TAB2: variants seen among roughly 807,000 people sequenced by gnomAD.
TAB2 encodes TGF-beta-activated kinase 1 and MAP3K7-binding protein 2.
TAB2 carries 3 observed loss-of-function variants against 65.0 expected under a neutral mutation model. The ratio of observed to expected loss-of-function variants is 0.05; its 90% CI spans 0.02 to 0.12. TAB2 has a LOEUF of 0.12. TAB2 is among the 10% of genes least tolerant of loss of function. The pLI is 1.00. For synonymous variants in TAB2, 298 were observed against 285.1 expected, an observed-to-expected ratio of 1.05 and a Z score of -0.46; for missense variants, 623 against 840.3, an observed-to-expected ratio of 0.74 and a Z score of 3.20.
At chr6:149,316,231 T>G (rs1779248141), upstream of TAB2, among the ~76,000 whole-genome samples, 1 of 152,246 alleles carries the variant, frequency 6.6e-6, no homozygotes, top group African/African-American at 2.4e-5. Context: ...AATAATTAAA[T>G]TCCGATATTG....
rs1003886229 is a variant in TAB2, at chr6:149,222,306, C to T, written c.-121+3530C>T. Among the ~76,000 whole-genome samples, 8 of 152,156 alleles carry T rather than the reference C, an allele frequency of 5.3e-5. No individual in the cohort carries two copies. In the South Asian group the frequency reaches 6.3e-4, roughly 12 times the overall value. ...GGACTCTTCAGCCTCCATAATCACA[C>T]GAGCCAATCCCTCATAATAAACCTT... On this transcript the variant is annotated intron_variant, in intron 1 of 1. Transcript: ENST00000606202.
At chr6:149,391,049 A>G (rs1410193227) in intron 3 of TAB2, among the ~76,000 whole-genome samples, 1 of 152,146 alleles carries the variant, frequency 6.6e-6, no homozygotes, top group East Asian at 1.9e-4. Flanking sequence ...TTGCTAGAAC[A>G]TGTCTTTAAG....
chr6:149,247,859 C>A (rs1777756752), intron 1 of TAB2: 1 of 152,210 alleles, frequency 6.6e-6, no homozygotes, highest in Non-Finnish European at 1.5e-5. Flanking sequence ...AAATGAGCAT[C>A]TTAATCCGCT....
intron 1 of TAB2, among the ~76,000 whole-genome samples, chr6:149,330,351 G>C (rs1427696938): frequency 6.6e-6 from 1 of 152,114 alleles, no homozygotes; most frequent in Non-Finnish European, 1.5e-5. Flanking sequence ...ATAAATGTAT[G>C]TTTAAATAAG....
chr6:149,403,269 T>TACAC (rs1481734931), intron 6 of TAB2, among the ~76,000 whole-genome samples: 16 of 47,792 alleles, frequency 3.3e-4, no homozygotes, highest in African/African-American at 1.4e-3. Flanking sequence ...TATATATATA[T>TACAC]ATATATATAT....
chr6:149,361,509 C>T (rs942844313), intron 1 of TAB2, among the ~76,000 whole-genome samples: 3 of 152,200 alleles, frequency 2.0e-5, no homozygotes, highest in African/African-American at 7.2e-5. Flanking sequence ...TTATTTCCTC[C>T]TGGTTTCTGA....
chr6:149,390,111 CA>C (rs1428675472), intron 3 of TAB2, among the ~76,000 whole-genome samples: 2 of 152,090 alleles, frequency 1.3e-5, no homozygotes, highest in Non-Finnish European at 2.9e-5. Context: ...ACTCAGTCAC[CA>C]AATAAGTGAC....
intron 2 of TAB2, among the ~76,000 whole-genome samples, chr6:149,375,809 G>T (rs1168590133): frequency 6.6e-6 from 1 of 152,168 alleles, no homozygotes; most frequent in African/African-American, 2.4e-5. Flanking sequence ...AAATTAGTAT[G>T]TATCAATTAA....
chr6:149,402,886 A>G (rs915208721), intron 6 of TAB2, among the ~76,000 whole-genome samples: 3 of 152,212 alleles, frequency 2.0e-5, no homozygotes, highest in African/African-American at 7.2e-5. Flanking sequence ...ATAACCATGT[A>G]GTCATCTTAA....
In TAB2 at chr6:149,409,445, G is replaced by T. The variant is rs1030034930; in HGVS notation, c.1940-132G>T. Reference sequence around the variant, plus strand: ...TGGTAGTGATCGAGCATGTGTGTCAGTGTCAGCTAGATGCCCCATTTGGGG... The same window carrying T: ...TGGTAGTGATCGAGCATGTGTGTCATTGTCAGCTAGATGCCCCATTTGGGG... On this transcript the variant is annotated intron_variant, in intron 6 of 6. Transcript: ENST00000637181. 5 of 760,198 alleles carry T rather than the reference G, an allele frequency of 6.6e-6. No homozygotes were observed. In the African/African-American group the frequency reaches 8.7e-5, roughly 13 times the overall value. The allele number at this position is 760,198 out of a possible 1,614,324, so 47.1% of individuals were successfully genotyped here.
At chr6:149,367,210 A>G (rs1166420142) in intron 1 of TAB2, among the ~76,000 whole-genome samples, 2 of 152,142 alleles carry the variant, frequency 1.3e-5, no homozygotes, top group Non-Finnish European at 2.9e-5. Flanking sequence ...AAATAAAAGC[A>G]GTATGAGGGT....
chr6:149,234,923 A>G (rs145086395), intron 1 of TAB2, among the ~76,000 whole-genome samples: 1 of 152,272 alleles, frequency 6.6e-6, no homozygotes, highest in Non-Finnish European at 1.5e-5. Flanking sequence ...AGAATAGACC[A>G]AAAACAAAGG....
intron 1 of TAB2, among the ~76,000 whole-genome samples, chr6:149,235,559 T>C (rs570160545): frequency 1.1e-4 from 17 of 152,268 alleles, no homozygotes; most frequent in Non-Finnish European, 1.8e-4. Context: ...AAAAGATACA[T>C]TGGTTGGAAG....
chr6:149,408,454 T>G (rs1782738182), intron 6 of TAB2, among the ~76,000 whole-genome samples: 1 of 152,202 alleles, frequency 6.6e-6, no homozygotes, highest in African/African-American at 2.4e-5. Context: ...TATCACTTAA[T>G]TATTTAAAAT....
chr6:149,393,838 G>A (rs1782078593), intron 3 of TAB2, among the ~76,000 whole-genome samples: 1 of 148,858 alleles, frequency 6.7e-6, no homozygotes, highest in Non-Finnish European at 1.5e-5. Context: ...TTGCCCTAAA[G>A]TCAGATTTTT....
intron 1 of TAB2, among the ~76,000 whole-genome samples, chr6:149,328,836 C>T (rs1460256839): frequency 6.6e-6 from 1 of 152,104 alleles, no homozygotes; most frequent in African/African-American, 2.4e-5. Flanking sequence ...GCAGTATCTC[C>T]TATTCAGTAA....
upstream of TAB2, among the ~76,000 whole-genome samples, chr6:149,317,365 T>C (rs1205505640): frequency 6.6e-6 from 1 of 150,414 alleles, no homozygotes; most frequent in Non-Finnish European, 1.5e-5. The surrounding 1 kb of genome is among the most constrained non-coding windows in gnomAD (Gnocchi z 4.7). Context: ...AGACTGCGAG[T>C]GTCGGGGGAG....
rs539986346 is a variant in TAB2, at chr6:149,302,089, C to T, written c.-120-75929C>T. ...CAATCAGCTTCTACAAACTTACAGC[C>T]TGTTCTGTTTCATATAGGTATTCAA... On this transcript the variant is annotated intron_variant, in intron 1 of 1. Transcript: ENST00000606202. 4.1e-4 allele frequency among the ~76,000 whole-genome samples: 63 copies of T among 152,178 alleles called. 2 individuals are homozygous for T. In the South Asian group the frequency reaches 0.013, roughly 31 times the overall value.
chr6:149,379,106 T>C lies in TAB2; in HGVS notation c.1191T>C (p.Asp397=). The C allele has an allele frequency of 1.2e-6, 2 of 1,614,126 alleles. No individual in the cohort carries two copies. Among genetic ancestry groups the C allele is most frequent in the Non-Finnish European group, 8.5e-7 (1 of 1,180,020 alleles). ...TTTCAGCGAATGCTGCCACAGGAGATGAACAGGTCATGCGGAATCAGCCCA... is the reference window on the plus strand; with the variant it reads ...TTTCAGCGAATGCTGCCACAGGAGACGAACAGGTCATGCGGAATCAGCCCA... ...VYISANAATG[D]EQVMRNQPTL... is the part of the protein sequence containing the mutation. The change falls in exon 3 of 7, where the codon GAT becomes GAC. Residue 397 remains aspartate (D), a synonymous_variant. Coordinates refer to ENST00000637181, the MANE Select transcript of TAB2 (RefSeq NM_001292034.3).
Sources: gnomAD v4.1 joint callset for allele counts (sites outside exome capture counted in the v4.1 genomes callset) on GRCh38, gnomAD v4.1.1 for gene constraint, Gnocchi (gnomAD v3.1) non-coding constraint, MANE v1.5 for transcripts, NCBI Gene and HGNC (gene_info 2026-07-23, HGNC 2026-07-21) for gene names.